BMERB1: variants seen among roughly 807,000 people sequenced by gnomAD.
The protein encoded by BMERB1 is bMERB domain-containing protein 1.
In BMERB1, 12 loss-of-function variants were observed where a neutral mutation model predicts 23.6. The ratio of observed to expected loss-of-function variants is 0.51; its 90% CI spans 0.33 to 0.82. The LOEUF is 0.82. Among genes scored for constraint, BMERB1 ranks in the 40% least tolerant of loss-of-function variants. The pLI is 0.03. For synonymous variants in BMERB1, 122 were observed against 96.6 expected (o/e 1.26, Z -1.54); for missense variants, 247 against 255.4 (o/e 0.97, Z 0.22).
intron 1 of BMERB1, among the ~76,000 whole-genome samples, chr16:15,459,137 CACAA>C (rs745959695): frequency 4.6e-5 from 7 of 151,698 alleles, no homozygotes; most frequent in Non-Finnish European, 8.8e-5. Context: ...AAAACACACA[CACAA>C]ACAAACAAAG....
chr16:15,547,532 G>A (rs1389259135), intron 2 of BMERB1, among the ~76,000 whole-genome samples: 1 of 151,718 alleles, frequency 6.6e-6, no homozygotes, highest in African/African-American at 2.4e-5. Flanking sequence ...TTTTAGGTGA[G>A]ACGGGGTTTC....
chr16:15,483,510 G>A (rs1005094224), intron 1 of BMERB1, among the ~76,000 whole-genome samples: 1 of 152,112 alleles, frequency 6.6e-6, no homozygotes, highest in African/African-American at 2.4e-5. Context: ...CTCTCAAGTA[G>A]CTGGGGTTAT....
intron 1 of BMERB1, among the ~76,000 whole-genome samples, chr16:15,501,455 G>T (rs977999764): frequency 6.6e-6 from 1 of 151,576 alleles, no homozygotes; most frequent in African/African-American, 2.4e-5. Flanking sequence ...ACCATGCCCA[G>T]TTAATTTTTT....
At chr16:15,559,520 A>T (rs903203220) in intron 2 of BMERB1, among the ~76,000 whole-genome samples, 2 of 152,188 alleles carry the variant, frequency 1.3e-5, no homozygotes, top group Non-Finnish European at 2.9e-5. Context: ...CTCATCTGTA[A>T]AATAGAGCTA....
chr16:15,573,721 T>A (rs1325713376), intron 3 of BMERB1, among the ~76,000 whole-genome samples: 1 of 152,208 alleles, frequency 6.6e-6, no homozygotes, highest in Non-Finnish European at 1.5e-5. Context: ...TAATTCCTAA[T>A]CTTGTGCTTA....
chr16:15,576,737 T>G (rs1177054855), intron 3 of BMERB1, among the ~76,000 whole-genome samples: 1 of 150,876 alleles, frequency 6.6e-6, no homozygotes, highest in Non-Finnish European at 1.5e-5. Context: ...GCCTCTTAGC[T>G]TCTGGTAGTG....
At chr16:15,468,135 C>CTTT (rs749534588) in intron 1 of BMERB1, among the ~76,000 whole-genome samples, 33 of 31,016 alleles carry the variant, frequency 1.1e-3, no homozygotes, top group African/African-American at 2.9e-3. Flanking sequence ...CTTTCTTCTT[C>CTTT]TTTTTTTTTT....
Position 15,470,676 on chromosome 16 carries a change from C to G in BMERB1, c.106+35917C>G, listed in dbSNP as rs997774862. ...AGGTAGCTGGGATTACAGGCACATG[C>G]CACCACGCCTGGCTAATTTTTTGTA... On this transcript the variant is annotated intron_variant, in intron 1 of 5. Coordinates refer to ENST00000300006, the MANE Select transcript of BMERB1 (RefSeq NM_033201.3). Among the ~76,000 whole-genome samples the G allele has an allele frequency of 2.0e-5, 3 of 151,776 alleles. No homozygotes were observed. The East Asian group carries it at 5.8e-4, about 29-fold the overall frequency.
intron 1 of BMERB1, among the ~76,000 whole-genome samples, chr16:15,459,223 A>C (rs1404138654): frequency 6.6e-6 from 1 of 152,280 alleles, no homozygotes; most frequent in Admixed American, 6.5e-5. Context: ...CAAAAAAGAC[A>C]TGAAGGATAT....
intron 1 of BMERB1, among the ~76,000 whole-genome samples, chr16:15,463,580 T>C (rs914939205): frequency 2.0e-5 from 3 of 152,174 alleles, no homozygotes; most frequent in South Asian, 2.1e-4. Flanking sequence ...GAGGTCTTAC[T>C]CACACTCTGA....
At chr16:15,514,539 C>G (rs1036171472) in intron 1 of BMERB1, among the ~76,000 whole-genome samples, 3 of 152,164 alleles carry the variant, frequency 2.0e-5, no homozygotes, top group Non-Finnish European at 4.4e-5. Context: ...CGACTGTAAT[C>G]CCAGCACTTT....
In BMERB1 at chr16:15,502,436, G is replaced by A. The variant is rs372704770; in HGVS notation, c.107-12869G>A. The A allele has an allele frequency of 5.8e-4, 770 of 1,334,604 alleles. 10 individuals are homozygous for A. The African/African-American group carries it at 0.01, about 18-fold the overall frequency. The allele number at this position is 1,334,604 out of a possible 1,614,324, so 82.7% of individuals were successfully genotyped here. A position where few individuals can be genotyped will look rare whatever the true frequency, so the allele number is the denominator to read the frequency against. On this transcript the variant is annotated intron_variant, in intron 1 of 5. Transcript: ENST00000300006. ...TCCACGAGGCAGGCTGGGAGAAATC[G>A]AGCAGCCAGGAGCTTCTGGGTTAAA...
At chr16:15,498,135 G>A (rs1156279404) in intron 1 of BMERB1, among the ~76,000 whole-genome samples, 1 of 152,062 alleles carries the variant, frequency 6.6e-6, no homozygotes, top group East Asian at 1.9e-4. Context: ...TCTCCTCCAG[G>A]GAGATTTTGA....
At chr16:15,535,425 A>T (rs895497506) in intron 2 of BMERB1, among the ~76,000 whole-genome samples, 1 of 152,098 alleles carries the variant, frequency 6.6e-6, no homozygotes, top group Non-Finnish European at 1.5e-5. Context: ...AGGTGGGTGG[A>T]TCATGAGGTC....
At chr16:15,520,994 G>A (rs898999164) in intron 2 of BMERB1, among the ~76,000 whole-genome samples, 6 of 151,786 alleles carry the variant, frequency 4.0e-5, no homozygotes, top group Admixed American at 2.6e-4. Context: ...TGCTCCTCCC[G>A]AGTTCCTGTT....
intron 1 of BMERB1, among the ~76,000 whole-genome samples, chr16:15,498,731 G>C (rs2051498964): frequency 6.6e-6 from 1 of 151,996 alleles, no homozygotes; most frequent in South Asian, 2.1e-4. Context: ...GAAGGAGAAA[G>C]ACTCTGAGTC....
chr16:15,580,210 C>A (rs1253526243), intron 3 of BMERB1, among the ~76,000 whole-genome samples: 1 of 145,970 alleles, frequency 6.9e-6, no homozygotes, highest in Admixed American at 6.6e-5. Flanking sequence ...GATCCACCCA[C>A]CTCAGCCTCC....
intron 1 of BMERB1, among the ~76,000 whole-genome samples, chr16:15,478,586 C>G (rs1485047118): frequency 6.6e-6 from 1 of 152,208 alleles, no homozygotes; most frequent in Admixed American, 6.5e-5. Context: ...GACTGAGACT[C>G]TGTCAGGAGG....
intron 1 of BMERB1, among the ~76,000 whole-genome samples, chr16:15,509,320 G>A (rs1188209231): frequency 7.1e-6 from 1 of 140,874 alleles, no homozygotes; most frequent in Non-Finnish European, 1.5e-5. Context: ...ACGTGGTTGT[G>A]GAGTGGAAGG....
Sources: gnomAD v4.1 joint callset for allele counts (sites outside exome capture counted in the v4.1 genomes callset) on GRCh38, gnomAD v4.1.1 for gene constraint, MANE v1.5 for transcripts, NCBI Gene and HGNC (gene_info 2026-07-23, HGNC 2026-07-21) for gene names.